Variants in RNF141 observed in about 807,000 individuals in gnomAD.
RNF141 encodes C3HC4-like zinc finger protein.
RNF141 carries 18 observed loss-of-function variants against 27.4 expected under a neutral mutation model. The observed-to-expected ratio is 0.66, with a 90% CI of 0.45 to 0.97. The LOEUF (loss-of-function observed/expected upper bound fraction) is 0.97, where lower values mean the gene tolerates loss of function less well. Ranked by LOEUF, RNF141 falls within the 50% of genes least tolerant of loss-of-function variation. The pLI, the probability that RNF141 is intolerant of heterozygous loss-of-function variation, is 0.00. For missense variants in RNF141, 230 were observed against 279.4 expected, an observed-to-expected ratio of 0.82 and a Z score of 1.26; for synonymous variants, 97 against 96.6, an observed-to-expected ratio of 1.00 and a Z score of -0.02.
At chr11:10,515,933 G>A (rs1419575964) in intron 5 of RNF141, 2 of 152,238 alleles carry the variant, frequency 1.3e-5, no homozygotes, top group East Asian at 3.9e-4. Context: ...TTTCGAAAAG[G>A]ATTTTTTTCT....
At chr11:10,530,084 T>C (rs1338152571) in intron 3 of RNF141, among the ~76,000 whole-genome samples, 1 of 152,206 alleles carries the variant, frequency 6.6e-6, no homozygotes, top group African/African-American at 2.4e-5. Context: ...ATAAAATTCA[T>C]GCCTTCATTT....
rs1369310881 is a variant in RNF141 at position 10,531,274 on chromosome 11, C to T, written c.144-523G>A. Reference sequence around the variant, plus strand: ...CCTGTAATCCCAGCTACTCAGGAGGCTGAGGCAGGAGCATTGCTTGAACAC... The same window carrying T: ...CCTGTAATCCCAGCTACTCAGGAGGTTGAGGCAGGAGCATTGCTTGAACAC... On this transcript the variant is annotated intron_variant, in intron 2 of 5. Coordinates refer to ENST00000265981, the MANE Select transcript of RNF141 (RefSeq NM_016422.4). Among the ~76,000 whole-genome samples the T allele has an allele frequency of 2.0e-5, 3 of 150,980 alleles. 1 individual carries two copies. The highest frequency in any genetic ancestry group is 2.1e-4 in the South Asian group (1 of 4,798).
intron 1 of RNF141, among the ~76,000 whole-genome samples, chr11:10,535,242 A>G (rs1850023581): frequency 2.0e-5 from 3 of 152,032 alleles, no homozygotes; most frequent in Admixed American, 2.0e-4. Flanking sequence ...ATATAACTTT[A>G]TGAAGTTAGT....
chr11:10,528,655 A>C (rs556275256), intron 3 of RNF141, among the ~76,000 whole-genome samples: 2 of 152,314 alleles, frequency 1.3e-5, no homozygotes, highest in East Asian at 3.9e-4. Flanking sequence ...ATAAAAATGA[A>C]CATTAAGTGT....
chr11:10,514,742 T>G lies in RNF141; in HGVS notation c.*174A>C, dbSNP rs1445560147. 1.8e-6 allele frequency: 1 copy of G among 546,180 alleles called. No homozygotes were observed. The highest frequency in any genetic ancestry group is 2.0e-5 in the African/African-American group (1 of 51,034). The allele number at this position is 546,180 out of a possible 1,614,324, so 33.8% of individuals were successfully genotyped here. A position where few individuals can be genotyped will look rare whatever the true frequency, so the allele number is the denominator to read the frequency against. On this transcript the variant is annotated 3_prime_UTR_variant, in exon 6 of 6. Coordinates refer to ENST00000265981, the MANE Select transcript of RNF141 (RefSeq NM_016422.4). ...CAGTAGCAAATTTTAGTACCACAAATGGAAGACATGGGAAGTTTATTTTTA... is the reference window on the plus strand; with the variant it reads ...CAGTAGCAAATTTTAGTACCACAAAGGGAAGACATGGGAAGTTTATTTTTA...
At chr11:10,524,395 C>T (rs1056544982) in intron 4 of RNF141, among the ~76,000 whole-genome samples, 3 of 151,488 alleles carry the variant, frequency 2.0e-5, no homozygotes, top group Admixed American at 6.6e-5. Context: ...AGCAAGACTC[C>T]GCCTCAATTA....
At chr11:10,541,011 C>G (rs1314978321) in intron 1 of RNF141, 111 bp downstream of exon 1, 1 of 152,236 alleles carries the variant, frequency 6.6e-6, no homozygotes, top group African/African-American at 2.4e-5. Flanking sequence ...CCTGTCTCCC[C>G]GCGGAAGCCT....
rs371158563 is a variant in RNF141, at chr11:10,519,123, A to C, written c.453T>G (p.Asp151Glu). 15 of 1,613,866 alleles carry C rather than the reference A, an allele frequency of 9.3e-6. No homozygotes were observed. Among genetic ancestry groups the C allele is most frequent in the African/African-American group, 6.7e-5 (5 of 75,028 alleles). ...LWMGRVKQLT[D>E]EEECCICMDG... ...CCATACAGATACAACACTCCTCCTC[A>C]TCGGTCAGCTGCTTCACCCTGCAAT... Residue 151 changes from aspartate (D) to glutamate (E), a missense_variant, in exon 5 of 6, where the codon GAT becomes GAG. Transcript: ENST00000265981.
intron 5 of RNF141, chr11:10,517,363 G>A (rs1004285589): frequency 2.0e-5 from 3 of 152,080 alleles, no homozygotes; most frequent in Admixed American, 6.5e-5. Context: ...GAAAAAAATA[G>A]CACCAGTGAG....
chr11:10,520,679 T>C (rs1215055029), intron 4 of RNF141, among the ~76,000 whole-genome samples: 1 of 152,208 alleles, frequency 6.6e-6, no homozygotes, highest in African/African-American at 2.4e-5. Flanking sequence ...TTACTGTACA[T>C]AATTGTAAGT....
chr11:10,515,605 A>AGT (rs1255446033), intron 5 of RNF141: 1 of 152,270 alleles, frequency 6.6e-6, no homozygotes, highest in Non-Finnish European at 1.5e-5. Context: ...ATTTGGTCAA[A>AGT]GTGTCAAGTA....
chr11:10,533,405 A>C (rs983884376), intron 2 of RNF141, among the ~76,000 whole-genome samples: 1 of 152,132 alleles, frequency 6.6e-6, no homozygotes, highest in Non-Finnish European at 1.5e-5. Flanking sequence ...AATTTAGTCA[A>C]AGAGTTAAGT....
chr11:10,524,919 C>G (rs1849918642), intron 4 of RNF141, among the ~76,000 whole-genome samples: 1 of 152,128 alleles, frequency 6.6e-6, no homozygotes, highest in South Asian at 2.1e-4. Flanking sequence ...TAACTATCTC[C>G]TTTGTCAATA....
chr11:10,530,613 C>T (rs769087254), intron 3 of RNF141, 30 bp downstream of exon 3: 6 of 1,287,700 alleles, frequency 4.7e-6, no homozygotes, highest in Non-Finnish European at 5.5e-6. Flanking sequence ...ATAGCTTAAG[C>T]TCAGAGGTAG....
At chr11:10,531,099 C>T (rs1385852392) in intron 2 of RNF141, among the ~76,000 whole-genome samples, 2 of 151,994 alleles carry the variant, frequency 1.3e-5, no homozygotes, top group Admixed American at 6.6e-5. Flanking sequence ...AAAGGTTGGC[C>T]AGGGCAGTGG....
chr11:10,518,538 GGTGT>G (rs1358500267), intron 5 of RNF141: 2 of 152,314 alleles, frequency 1.3e-5, no homozygotes, highest in East Asian at 3.9e-4. Flanking sequence ...AACTTTTATG[GGTGT>G]GTATATATGC....
rs114293149 is a variant in RNF141 at position 10,525,503 on chromosome 11, A to T, written c.253-130T>A. The T allele has an allele frequency of 2.7e-3, 1,680 of 629,758 alleles. 19 individuals carry two copies. Among genetic ancestry groups the T allele is most frequent in the African/African-American group, 0.026 (1,441 of 54,424 alleles). 39.0% of individuals were successfully genotyped at this position (629,758 alleles called of 1,614,324 possible). On this transcript the variant is annotated intron_variant, in intron 3 of 5. Transcript: ENST00000265981. ...GTTTTCAGGATTTGCAAATTACATA[A>T]GAAAGCAAGAGTCTGAATAAATGAG...
intron 2 of RNF141, among the ~76,000 whole-genome samples, chr11:10,531,231 C>T (rs151034435): frequency 0.026 from 4,003 of 151,920 alleles, 73 homozygotes; most frequent in African/African-American, 0.057. Context: ...AAAAATTAGC[C>T]GGGCGTGGTG....
intron 1 of RNF141, among the ~76,000 whole-genome samples, chr11:10,540,217 T>A (rs150264751): frequency 6.6e-6 from 1 of 152,282 alleles, no homozygotes; most frequent in African/African-American, 2.4e-5. Context: ...TGAAAACGAA[T>A]AAATTCGTGC....
Sources: gnomAD v4.1 joint callset for allele counts (sites outside exome capture counted in the v4.1 genomes callset) on GRCh38, gnomAD v4.1.1 for gene constraint, MANE v1.5 for transcripts, NCBI Gene and HGNC (gene_info 2026-07-23, HGNC 2026-07-21) for gene names.